SMG6: variants seen among roughly 807,000 people sequenced by gnomAD.
SMG6 encodes the protein SMG6 nonsense mediated mRNA decay factor, also known as telomerase-binding protein EST1A.
SMG6 carries 66 observed loss-of-function variants against 142.2 expected under a neutral mutation model. The observed-to-expected ratio is 0.46, with a 90% CI of 0.38 to 0.57. The LOEUF is 0.57. SMG6 is among the 20% of genes least tolerant of loss of function. The probability of loss-of-function intolerance (pLI) is 0.00; values close to 1 mark genes in which losing one functional copy is unlikely to be tolerated. For synonymous variants in SMG6, 779 were observed against 702.4 expected, an observed-to-expected ratio of 1.11 and a Z score of -1.72; for missense variants, 1,793 against 1,832.0, an observed-to-expected ratio of 0.98 and a Z score of 0.39.
At chr17:2,240,950 G>A (rs890997257) in intron 9 of SMG6, among the ~76,000 whole-genome samples, 5 of 152,158 alleles carry the variant, frequency 3.3e-5, no homozygotes, top group Non-Finnish European at 7.3e-5. Context: ...TGTGGCTTGG[G>A]CTCATTGCTT....
intron 13 of SMG6, chr17:2,127,919 C>T (rs190581778): frequency 1.2e-5 from 7 of 566,962 alleles, no homozygotes; most frequent in Admixed American, 9.6e-5. Context: ...GCCTCCAGTA[C>T]CTGGACCAAT....
rs375283884 is a variant in SMG6 at position 2,061,157 on chromosome 17, G to A, written c.*335C>T. 1.5e-4 allele frequency: 35 copies of A among 237,742 alleles called. No homozygotes were observed. The East Asian group carries it at 1.6e-3, about 11-fold the overall frequency. 14.7% of individuals were successfully genotyped at this position (237,742 alleles called of 1,614,324 possible). A position where few individuals can be genotyped will look rare whatever the true frequency, so the allele number is the denominator to read the frequency against. On this transcript the variant is annotated 3_prime_UTR_variant, in exon 19 of 19. Coordinates refer to ENST00000263073, the MANE Select transcript of SMG6 (RefSeq NM_017575.5). ...AGTGGCTGCGTCCCCAGGCGAGAAGGCCCTCCCTCAGCCTTGGAATGAGAC... is the reference window on the plus strand; with the variant it reads ...AGTGGCTGCGTCCCCAGGCGAGAAGACCCTCCCTCAGCCTTGGAATGAGAC...
chr17:2,088,951 A>C (rs1328952428), intron 13 of SMG6, among the ~76,000 whole-genome samples: 2 of 152,218 alleles, frequency 1.3e-5, no homozygotes, highest in Admixed American at 6.5e-5. Flanking sequence ...TGAGTCAGGG[A>C]AAAAGCAACA....
chr17:2,178,821 A>G (rs2071722889), intron 12 of SMG6, among the ~76,000 whole-genome samples: 1 of 152,148 alleles, frequency 6.6e-6, no homozygotes, highest in Non-Finnish European at 1.5e-5. Flanking sequence ...GCATGAGTGG[A>G]GCCCTCGGCG....
Position 2,292,540 on chromosome 17 carries a change from A to C in SMG6, c.2337+12T>G, listed in dbSNP as rs1415964044. On this transcript the variant is annotated intron_variant, in intron 6 of 18. Coordinates refer to ENST00000263073, the MANE Select transcript of SMG6 (RefSeq NM_017575.5). ...TGCAAAGCACTTTTCCCCTGTCCAC[A>C]GGATTTCTTACCGTATACACTGCCA... The C allele has an allele frequency of 6.2e-7, 1 of 1,613,778 alleles. No homozygotes were observed. The highest frequency in any genetic ancestry group is 8.5e-7 in the Non-Finnish European group (1 of 1,179,754).
At chr17:2,181,579 G>A (rs2071807839) in intron 12 of SMG6, among the ~76,000 whole-genome samples, 2 of 152,234 alleles carry the variant, frequency 1.3e-5, no homozygotes, top group African/African-American at 2.4e-5. Context: ...CGTATTTGCT[G>A]GGTAATTAAA....
chr17:2,291,852 T>TAAA (rs60668132), intron 6 of SMG6, among the ~76,000 whole-genome samples: 2 of 133,486 alleles, frequency 1.5e-5, no homozygotes, highest in African/African-American at 2.8e-5. Flanking sequence ...CTGCCTCTCT[T>TAAA]AAAAAAAAAA....
chr17:2,297,206 G>C, intron 4 of SMG6, 37 bp downstream of exon 4: 1 of 1,459,448 alleles, frequency 6.9e-7, no homozygotes, highest in South Asian at 1.2e-5. Flanking sequence ...CTTACGAAAT[G>C]AATGAAAATT....
intron 13 of SMG6, among the ~76,000 whole-genome samples, chr17:2,094,071 T>C (rs1410400564): frequency 6.6e-6 from 1 of 152,190 alleles, no homozygotes; most frequent in Middle Eastern, 3.2e-3. Context: ...TCCAGTAATC[T>C]AGAGAGGCTC....
chr17:2,301,351 C>G (rs1283570231), intron 1 of SMG6, among the ~76,000 whole-genome samples: 2 of 152,178 alleles, frequency 1.3e-5, no homozygotes, highest in Non-Finnish European at 2.9e-5. Flanking sequence ...AACTCACTAA[C>G]AGTAGCTCAC....
chr17:2,233,335 A>C (rs1353925718), intron 10 of SMG6: 1 of 152,396 alleles, frequency 6.6e-6, no homozygotes, highest in Non-Finnish European at 1.5e-5. Flanking sequence ...ATGTCCAAGA[A>C]GGAATGGAAA....
At chr17:2,165,314 C>T (rs923473109) in intron 13 of SMG6, among the ~76,000 whole-genome samples, 1 of 152,008 alleles carries the variant, frequency 6.6e-6, no homozygotes, top group Non-Finnish European at 1.5e-5. Context: ...TAGACATGAG[C>T]GATAGCTCTG....
At chr17:2,205,953 T>C (rs147172303) in intron 10 of SMG6, among the ~76,000 whole-genome samples, 113 of 152,204 alleles carry the variant, frequency 7.4e-4, no homozygotes, top group African/African-American at 2.6e-3. Context: ...GGACTACAGA[T>C]GTGTGCCACC....
At chr17:2,137,861 T>G (rs987799861) in intron 13 of SMG6, among the ~76,000 whole-genome samples, 2 of 152,230 alleles carry the variant, frequency 1.3e-5, no homozygotes, top group Non-Finnish European at 2.9e-5. Flanking sequence ...CCAAGTCAGA[T>G]CTTCCTTGTC....
chr17:2,104,805 A>G (rs960886424), intron 13 of SMG6, among the ~76,000 whole-genome samples: 14 of 152,224 alleles, frequency 9.2e-5, no homozygotes, highest in South Asian at 4.1e-4. Context: ...CTGGGCTTTG[A>G]ACCCAGATTT....
At chr17:2,263,600 A>G (rs1003428977) in intron 8 of SMG6, among the ~76,000 whole-genome samples, 2 of 152,210 alleles carry the variant, frequency 1.3e-5, no homozygotes, top group African/African-American at 4.8e-5. Flanking sequence ...AAACATCAGA[A>G]AGACAGAGGG....
intron 10 of SMG6, among the ~76,000 whole-genome samples, chr17:2,219,732 G>A (rs1352355656): frequency 1.3e-5 from 2 of 149,930 alleles, no homozygotes; most frequent in Non-Finnish European, 3.0e-5. Flanking sequence ...GCTTGAGGCT[G>A]CAGTGAATGC....
intron 13 of SMG6, among the ~76,000 whole-genome samples, chr17:2,143,120 G>T (rs953268722): frequency 6.6e-6 from 1 of 152,124 alleles, no homozygotes; most frequent in Admixed American, 6.6e-5. Flanking sequence ...TTTGCTGCTA[G>T]TGAGAATGTA....
intron 10 of SMG6, among the ~76,000 whole-genome samples, chr17:2,209,596 T>C (rs2072788179): frequency 6.6e-6 from 1 of 152,202 alleles, no homozygotes; most frequent in South Asian, 2.1e-4. Flanking sequence ...ACTCCTGGCC[T>C]CACGTGATCT....
Sources: allele counts gnomAD v4.1 joint callset (sites outside exome capture counted in the v4.1 genomes callset), GRCh38; gene constraint gnomAD v4.1.1; transcripts MANE v1.5; gene names NCBI Gene and HGNC (gene_info 2026-07-23, HGNC 2026-07-21).